Variants in BTD observed in about 807,000 individuals in gnomAD.
BTD encodes the protein biotinidase.
A neutral mutation model predicts 17.7 loss-of-function variants in BTD; 13 were observed. The observed-to-expected ratio is 0.74, with a 90% CI of 0.48 to 1.17. BTD has a LOEUF of 1.17. Ranked by LOEUF, BTD falls within the 50% of genes most tolerant of loss-of-function variation. BTD has a pLI of 0.00. For synonymous variants in BTD, 240 were observed against 245.2 expected, an observed-to-expected ratio of 0.98 and a Z score of 0.20; for missense variants, 674 against 650.4, an observed-to-expected ratio of 1.04 and a Z score of -0.39.
intron 1 of BTD, among the ~76,000 whole-genome samples, chr3:15,629,079 T>C (rs1368100850): frequency 6.6e-6 from 1 of 152,234 alleles, no homozygotes; most frequent in Admixed American, 6.5e-5. Context: ...CTTTGCTGCT[T>C]ATTTTCATTA....
intron 4 of BTD, among the ~76,000 whole-genome samples, chr3:15,719,893 CAG>C (rs1323393606): frequency 2.0e-5 from 3 of 151,934 alleles, no homozygotes; most frequent in Non-Finnish European, 2.9e-5. Context: ...TTTTTTGAGA[CAG>C]GGTCTCACTC....
At chr3:15,613,481 AT>A (rs2064695400) in intron 1 of BTD, among the ~76,000 whole-genome samples, 1 of 151,416 alleles carries the variant, frequency 6.6e-6, no homozygotes, top group South Asian at 2.1e-4. Context: ...CCAGCTTTCT[AT>A]TCCCCACTCC....
chr3:15,718,417 A>G (rs1178688328), intron 4 of BTD, among the ~76,000 whole-genome samples: 2 of 152,164 alleles, frequency 1.3e-5, no homozygotes, highest in African/African-American at 4.8e-5. Flanking sequence ...TGAGTTTTCT[A>G]AATTATTAAG....
rs562044402 is a variant in BTD at position 15,620,307 on chromosome 3, G to A, written c.-16-15117G>A. 9.2e-5 allele frequency among the ~76,000 whole-genome samples: 14 copies of A among 152,156 alleles called. No individual in the cohort carries two copies. In the South Asian group the frequency reaches 2.5e-3, roughly 27 times the overall value. ...TGCACAAGACAGACATTCCCAGAAC[G>A]GCCGTTTATAGACCTCCCCCCAGGA... On this transcript the variant is annotated intron_variant, in intron 1 of 3. Coordinates refer to ENST00000643237, the MANE Select transcript of BTD (RefSeq NM_001370658.1).
intron 1 of BTD, among the ~76,000 whole-genome samples, chr3:15,611,594 T>G (rs1475951668): frequency 6.6e-6 from 1 of 152,152 alleles, no homozygotes; most frequent in Admixed American, 6.6e-5. Context: ...CTATTTCTTC[T>G]ATGATTGTTG....
chr3:15,635,310 A>G lies in BTD; in HGVS notation c.-16-114A>G. On this transcript the variant is annotated intron_variant, in intron 1 of 3. Transcript: ENST00000643237. This position sits in a 1 kb window ranked among gnomAD's most constrained non-coding sequence, Gnocchi z 4.1. ...ACATGAAACAAACTCTTTGAGCCGCAGTATCACTGCGAGTGAGTTTAATTG... is the reference window on the plus strand; with the variant it reads ...ACATGAAACAAACTCTTTGAGCCGCGGTATCACTGCGAGTGAGTTTAATTG... The G allele has an allele frequency of 2.0e-6, 3 of 1,486,628 alleles. No homozygotes were observed. The highest frequency in any genetic ancestry group is 2.8e-6 in the Non-Finnish European group (3 of 1,072,836). 92.1% of individuals were successfully genotyped at this position (1,486,628 alleles called of 1,614,324 possible).
intron 3 of BTD, among the ~76,000 whole-genome samples, chr3:15,698,929 C>T (rs1219002352): frequency 6.6e-6 from 1 of 152,164 alleles, no homozygotes; most frequent in Non-Finnish European, 1.5e-5. Context: ...GCCCGCATTG[C>T]CAAGACAATC....
chr3:15,623,784 T>C (rs558223248), intron 1 of BTD, among the ~76,000 whole-genome samples: 1 of 152,162 alleles, frequency 6.6e-6, no homozygotes, highest in Non-Finnish European at 1.5e-5. Flanking sequence ...CCCACTTAGC[T>C]CTCTCCATCT....
chr3:15,605,433 G>A (rs969985695), intron 1 of BTD, among the ~76,000 whole-genome samples: 6 of 152,180 alleles, frequency 3.9e-5, no homozygotes, highest in African/African-American at 1.4e-4. Context: ...GATTATGGGA[G>A]CTATAATTCA....
chr3:15,639,362 A>C (rs2065440393), intron 2 of BTD, among the ~76,000 whole-genome samples: 1 of 152,206 alleles, frequency 6.6e-6, no homozygotes, highest in African/African-American at 2.4e-5. Context: ...AAGATGACTC[A>C]TACAAATATA....
intron 3 of BTD, among the ~76,000 whole-genome samples, chr3:15,643,974 ATTTATTT>A (rs1559598613): frequency 1.7e-3 from 29 of 17,508 alleles, no homozygotes; most frequent in African/African-American, 2.3e-3. Flanking sequence ...TATTTAATTT[ATTTATTT>A]ATTTATTTAT....
intron 3 of BTD, among the ~76,000 whole-genome samples, chr3:15,698,872 C>G (rs6787119): frequency 0.17 from 26,469 of 152,048 alleles, 3,511 homozygotes; most frequent in East Asian, 0.56. Context: ...ACTTTCTTCA[C>G]AGAATTGGAA....
intron 1 of BTD, among the ~76,000 whole-genome samples, chr3:15,625,695 A>G (rs1375913772): frequency 6.6e-6 from 1 of 152,112 alleles, no homozygotes; most frequent in East Asian, 1.9e-4. Flanking sequence ...AGCTGGGACT[A>G]CAGGCACCCG....
At chr3:15,676,265 T>A (rs545423738) in intron 3 of BTD, 5 of 326,250 alleles carry the variant, frequency 1.5e-5, no homozygotes, top group South Asian at 2.9e-4. Context: ...TACTTTTCTT[T>A]TCAATGTTTA....
chr3:15,689,460 G>A (rs552189205), intron 3 of BTD, among the ~76,000 whole-genome samples: 21 of 152,314 alleles, frequency 1.4e-4, no homozygotes, highest in African/African-American at 4.6e-4. Flanking sequence ...AATTGCAGAA[G>A]GTATCAGCAA....
chr3:15,698,053 G>C (rs1309671754), intron 3 of BTD, among the ~76,000 whole-genome samples: 1 of 151,930 alleles, frequency 6.6e-6, no homozygotes, highest in Non-Finnish European at 1.5e-5. Flanking sequence ...ATTGTAGTTT[G>C]TATTTCTTTG....
In BTD at chr3:15,601,769, A is replaced by G. The variant is rs889137786; in HGVS notation, c.-142A>G. The G allele has an allele frequency of 2.5e-6, 4 of 1,609,170 alleles. No individual in the cohort carries two copies. In the African/African-American group the frequency reaches 5.3e-5, roughly 21 times the overall value. On this transcript the variant is annotated 5_prime_UTR_variant, in exon 1 of 4. Coordinates refer to ENST00000643237, the MANE Select transcript of BTD (RefSeq NM_001370658.1). ...CAGGAGATTGCTGCCTATGCAAAGCAGGTAAGAAGCCGAACTCTGAGGCCT... is the reference window on the plus strand; with the variant it reads ...CAGGAGATTGCTGCCTATGCAAAGCGGGTAAGAAGCCGAACTCTGAGGCCT...
Position 15,649,247 on chromosome 3 carries a change from G to A in BTD, c.*3759G>A, listed in dbSNP as rs76256771. On this transcript the variant is annotated 3_prime_UTR_variant, in exon 4 of 4. Coordinates refer to ENST00000643237, the MANE Select transcript of BTD (RefSeq NM_001370658.1). ...CATAGGGATAGCTGAGTGTCCTCAT[G>A]ATGTGGCCCCTGGCTTCCCCTGAAG... Among the ~76,000 whole-genome samples the A allele has an allele frequency of 6.6e-6, 1 of 152,216 alleles. No homozygotes were observed. Among genetic ancestry groups the A allele is most frequent in the Non-Finnish European group, 1.5e-5 (1 of 68,036 alleles).
At chr3:15,670,388 A>C (rs372742448) in intron 3 of BTD, 8 of 1,613,876 alleles carry the variant, frequency 5.0e-6, no homozygotes, top group Non-Finnish European at 6.8e-6. Context: ...CATGATGGGC[A>C]AAGCTTCAAA....
Sources: gnomAD v4.1 joint callset for allele counts (sites outside exome capture counted in the v4.1 genomes callset) on GRCh38, gnomAD v4.1.1 for gene constraint, Gnocchi (gnomAD v3.1) non-coding constraint, MANE v1.5 for transcripts, NCBI Gene and HGNC (gene_info 2026-07-23, HGNC 2026-07-21) for gene names.